Variants in AK5 observed in about 807,000 individuals in gnomAD.
The protein encoded by AK5 is adenylate kinase 5.
Under a neutral mutation model 69.5 loss-of-function variants are expected in AK5, and 27 were observed. The ratio of observed to expected loss-of-function variants is 0.39; its 90% confidence interval spans 0.29 to 0.54. AK5 has a LOEUF of 0.54. Among genes scored for constraint, AK5 ranks in the 20% least tolerant of loss-of-function variants. The probability of loss-of-function intolerance (pLI) is 0.71; values close to 1 mark genes in which losing one functional copy is unlikely to be tolerated. For missense variants in AK5, 531 were observed against 700.4 expected (o/e 0.76, Z 2.73); for synonymous variants, 260 against 244.4 (o/e 1.06, Z -0.60).
intron 8 of AK5, among the ~76,000 whole-genome samples, chr1:77,473,343 A>T (rs910719259): frequency 6.6e-6 from 1 of 151,882 alleles, no homozygotes; most frequent in African/African-American, 2.4e-5. Flanking sequence ...TCAGCCTCTC[A>T]AAGTACTTGG....
intron 8 of AK5, among the ~76,000 whole-genome samples, chr1:77,482,074 C>T (rs185720416): frequency 6.6e-6 from 1 of 152,242 alleles, no homozygotes; most frequent in East Asian, 1.9e-4. Context: ...AGTATTATAT[C>T]GTAAACACAT....
At chr1:77,429,495 G>A (rs927083352) in intron 8 of AK5, among the ~76,000 whole-genome samples, 2 of 152,180 alleles carry the variant, frequency 1.3e-5, no homozygotes, top group Admixed American at 6.6e-5. Context: ...ATGAGGTGCT[G>A]GGGATACATT....
At chr1:77,494,726 C>T (rs916627154) in intron 10 of AK5, among the ~76,000 whole-genome samples, 5 of 152,010 alleles carry the variant, frequency 3.3e-5, no homozygotes, top group African/African-American at 1.2e-4. Flanking sequence ...AAGATTAAAA[C>T]TAACATATAC....
chr1:77,310,139 C>A (rs1356424049), intron 5 of AK5, among the ~76,000 whole-genome samples: 1 of 152,086 alleles, frequency 6.6e-6, no homozygotes, highest in South Asian at 2.1e-4. Flanking sequence ...AACTTTATTG[C>A]ATGTTTTGAA....
chr1:77,418,928 G>A (rs1047034022), intron 8 of AK5, among the ~76,000 whole-genome samples: 9 of 152,104 alleles, frequency 5.9e-5, no homozygotes, highest in African/African-American at 1.9e-4. Flanking sequence ...CATGTTTATA[G>A]TAATTTTTAA....
In AK5 at chr1:77,282,305, G is replaced by C; in HGVS notation, c.-9G>C. On this transcript the variant is annotated 5_prime_UTR_variant, in exon 1 of 14. Transcript: ENST00000354567. Reference sequence around the variant, plus strand: ...CCCGCTTGCGCCCCAAGGCACGCGCGGCACAGCCATGAACACCAACGATGC... The same window carrying C: ...CCCGCTTGCGCCCCAAGGCACGCGCCGCACAGCCATGAACACCAACGATGC... 1 of 1,550,060 alleles carries C rather than the reference G, an allele frequency of 6.5e-7. No homozygotes were observed. Among genetic ancestry groups the C allele is most frequent in the Non-Finnish European group, 8.7e-7 (1 of 1,147,374 alleles).
At chr1:77,548,399 C>T (rs1199017411) in intron 13 of AK5, among the ~76,000 whole-genome samples, 1 of 152,120 alleles carries the variant, frequency 6.6e-6, no homozygotes, top group East Asian at 1.9e-4. Context: ...CAGATCATGC[C>T]CAGGTTCTGC....
intron 8 of AK5, among the ~76,000 whole-genome samples, chr1:77,429,758 G>C (rs2803146): frequency 0.92 from 140,077 of 152,158 alleles, 64,627 homozygotes; most frequent in East Asian, 0.98. Context: ...TGCACCTGGC[G>C]GGCAAGAGAT....
intron 5 of AK5, among the ~76,000 whole-genome samples, chr1:77,326,613 C>T (rs901232628): frequency 6.6e-6 from 1 of 152,128 alleles, no homozygotes; most frequent in Non-Finnish European, 1.5e-5. Context: ...TATCAGTTCA[C>T]ATTTAATATA....
chr1:77,340,705 T>C (rs1661611618), intron 6 of AK5, 137 bp downstream of exon 6: 1 of 580,624 alleles, frequency 1.7e-6, no homozygotes, highest in African/African-American at 1.9e-5. Flanking sequence ...GAAAAAAATG[T>C]ATCATTTTGA....
intron 8 of AK5, among the ~76,000 whole-genome samples, chr1:77,477,721 G>A (rs1427112467): frequency 6.7e-6 from 1 of 150,208 alleles, no homozygotes; most frequent in African/African-American, 2.5e-5. Flanking sequence ...TCCTTTTTTT[G>A]CAGCATTCAT....
chr1:77,481,864 A>G (rs1362655326), intron 8 of AK5, among the ~76,000 whole-genome samples: 1 of 152,252 alleles, frequency 6.6e-6, no homozygotes, highest in Non-Finnish European at 1.5e-5. Flanking sequence ...TTTTCCAAAA[A>G]AAGTTTGAGA....
chr1:77,477,399 A>C (rs1412190631), intron 8 of AK5, among the ~76,000 whole-genome samples: 1 of 152,138 alleles, frequency 6.6e-6, no homozygotes, highest in Non-Finnish European at 1.5e-5. Context: ...CCCTTCCAAG[A>C]ACTTACACGA....
intron 6 of AK5, among the ~76,000 whole-genome samples, chr1:77,357,199 G>T (rs1218434765): frequency 6.6e-6 from 1 of 151,924 alleles, no homozygotes; most frequent in Non-Finnish European, 1.5e-5. Context: ...ATGTTGCAAG[G>T]AACTCAATGA....
rs75644621 is a variant in AK5 at position 77,349,079 on chromosome 1, G to A, written c.891+8511G>A. On this transcript the variant is annotated intron_variant, in intron 6 of 13. Coordinates refer to ENST00000354567, the MANE Select transcript of AK5 (RefSeq NM_174858.3). ...AGACAAAATAAAAGAAAAAGAATAAGCATTTAAGGCTTGCCCGTCAGGAAA... is the reference window on the plus strand; with the variant it reads ...AGACAAAATAAAAGAAAAAGAATAAACATTTAAGGCTTGCCCGTCAGGAAA... 6.7e-3 allele frequency among the ~76,000 whole-genome samples: 1,024 copies of A among 152,150 alleles called. 11 individuals are homozygous for A. Among genetic ancestry groups the A allele is most frequent in the African/African-American group, 0.024 (982 of 41,498 alleles).
chr1:77,524,658 A>G (rs1351624224), intron 12 of AK5, among the ~76,000 whole-genome samples: 2 of 152,168 alleles, frequency 1.3e-5, no homozygotes, highest in African/African-American at 2.4e-5. Flanking sequence ...TATCAGATAT[A>G]TGACTTACAG....
intron 13 of AK5, among the ~76,000 whole-genome samples, chr1:77,556,152 T>C (rs1397256928): frequency 6.6e-6 from 1 of 152,244 alleles, no homozygotes. Context: ...ATGTAGAGTT[T>C]GAGGAATAAA....
At chr1:77,317,251 C>A (rs936262600) in intron 5 of AK5, among the ~76,000 whole-genome samples, 3 of 152,080 alleles carry the variant, frequency 2.0e-5, no homozygotes, top group South Asian at 2.1e-4. Context: ...TAGCTGGACT[C>A]CATAGCAGCT....
intron 10 of AK5, among the ~76,000 whole-genome samples, chr1:77,505,298 C>T (rs1656961248): frequency 6.6e-6 from 1 of 152,160 alleles, no homozygotes; most frequent in Non-Finnish European, 1.5e-5. Flanking sequence ...GACCTTGGAA[C>T]AGTAAGATAC....
Sources: allele counts gnomAD v4.1 joint callset (sites outside exome capture counted in the v4.1 genomes callset), GRCh38; gene constraint gnomAD v4.1.1; transcripts MANE v1.5; gene names NCBI Gene and HGNC (gene_info 2026-07-23, HGNC 2026-07-21).